PGRMC1: variants seen among roughly 807,000 people sequenced by gnomAD.
The protein encoded by PGRMC1 is membrane-associated progesterone receptor component 1.
For missense variants in PGRMC1, 145 were observed against 169.0 expected (o/e 0.86, Z 0.79); for synonymous variants, 73 against 77.3 (o/e 0.94, Z 0.29).
chrX:119,243,301 T>G lies in PGRMC1; in HGVS notation c.*47T>G, dbSNP rs767946495. On this transcript the variant is annotated 3_prime_UTR_variant, in exon 3 of 3. Coordinates refer to ENST00000217971, the MANE Select transcript of PGRMC1 (RefSeq NM_006667.5). ...TATTTTTGTATTTTGCAAAATCATTTGTAACAGTCCACTCTGTCTTTAAAA... is the reference window on the plus strand; with the variant it reads ...TATTTTTGTATTTTGCAAAATCATTGGTAACAGTCCACTCTGTCTTTAAAA... 1.3e-6 allele frequency: 1 copy of G among 746,438 alleles called. No individual in the cohort carries two copies. The highest frequency in any genetic ancestry group is 2.1e-6 in the Non-Finnish European group (1 of 473,341). 61.5% of individuals were successfully genotyped at this position (746,438 alleles called of 1,213,427 possible).
intron 1 of PGRMC1, 107 bp from the exon 2 acceptor site, chrX:119,240,202 T>C: frequency 4.1e-6 from 3 of 729,285 alleles, no homozygotes; most frequent in Non-Finnish European, 6.5e-6. Flanking sequence ...GAATTTGATA[T>C]TCAAAAATGG....
chrX:119,239,217 C>A (rs1461310351), intron 1 of PGRMC1, among the ~76,000 whole-genome samples: 1 of 111,185 alleles, frequency 9.0e-6, no homozygotes, highest in African/African-American at 3.3e-5. Flanking sequence ...TTTTTTTTAC[C>A]TTCTTTAGTG....
intron 2 of PGRMC1, among the ~76,000 whole-genome samples, chrX:119,242,184 C>G (rs994037169): frequency 1.8e-5 from 2 of 110,601 alleles, no homozygotes; most frequent in Non-Finnish European, 3.8e-5. Flanking sequence ...GGATTGAACT[C>G]TCTTTCTGAA....
intron 1 of PGRMC1, among the ~76,000 whole-genome samples, chrX:119,240,057 G>C (rs1930784132): frequency 9.0e-6 from 1 of 111,587 alleles, no homozygotes; most frequent in Admixed American, 9.5e-5. Flanking sequence ...CTAGCTATTT[G>C]GAAACCACAG....
At chrX:119,240,215 C>G (rs769360108) in intron 1 of PGRMC1, 94 bp from the exon 2 acceptor site, 3 of 806,962 alleles carry the variant, frequency 3.7e-6, no homozygotes, top group South Asian at 2.1e-5. Context: ...AAAAATGGGG[C>G]TATGTTGATG....
In PGRMC1 at chrX:119,240,434, A is replaced by T; in HGVS notation, c.454A>T (p.Thr152Ser). 8.3e-7 allele frequency: 1 copy of T among 1,206,696 alleles called. No individual in the cohort carries two copies. Among genetic ancestry groups the T allele is most frequent in the South Asian group, 1.8e-5 (1 of 56,810 alleles). The change falls in exon 2 of 3, where the codon ACT becomes TCT. Residue 152 changes from threonine to serine, a missense_variant. Physicochemically the swap from Thr to Ser is moderately conservative, Grantham distance 58. Transcript: ENST00000217971. ...TGACCTCACTGCTGCCCAGCAGGAG[A>T]CTCTGAGTGACTGGGAGTCTCAGTT... ...LSDLTAAQQE[T>S]LSDWESQFTF...
intron 2 of PGRMC1, 39 bp downstream of exon 2, chrX:119,240,503 C>T: frequency 9.1e-7 from 1 of 1,101,306 alleles, no homozygotes; most frequent in Non-Finnish European, 1.3e-6. Flanking sequence ...CAAATTTCTA[C>T]CAGTAATGGG....
At chrX:119,240,653 C>T (rs767690553) in intron 2 of PGRMC1, among the ~76,000 whole-genome samples, 189 bp downstream of exon 2, 1 of 111,741 alleles carries the variant, frequency 8.9e-6, no homozygotes, top group South Asian at 3.8e-4. Context: ...GATTGCATAC[C>T]AATTTTTAGC....
In PGRMC1 at chrX:119,243,315, C is replaced by A; in HGVS notation, c.*61C>A. The A allele has an allele frequency of 1.5e-6, 1 of 685,612 alleles. No homozygotes were observed. The highest frequency in any genetic ancestry group is 2.2e-5 in the South Asian group (1 of 44,695). The allele number at this position is 685,612 out of a possible 1,213,427, so 56.5% of individuals were successfully genotyped here. On this transcript the variant is annotated 3_prime_UTR_variant, in exon 3 of 3. Coordinates refer to ENST00000217971, the MANE Select transcript of PGRMC1 (RefSeq NM_006667.5). Reference sequence around the variant, plus strand: ...GCAAAATCATTTGTAACAGTCCACTCTGTCTTTAAAACATAGTGATTACAA... The same window carrying A: ...GCAAAATCATTTGTAACAGTCCACTATGTCTTTAAAACATAGTGATTACAA...
intron 1 of PGRMC1, 79 bp downstream of exon 1, chrX:119,236,770 G>A: frequency 3.6e-6 from 3 of 842,554 alleles, no homozygotes; most frequent in Non-Finnish European, 4.9e-6. Flanking sequence ...AGGCGAGGCG[G>A]GAGCGGGGCG....
In PGRMC1 at chrX:119,243,187, G is replaced by A. The variant is rs756335701; in HGVS notation, c.521G>A (p.Gly174Glu). The A allele has an allele frequency of 3.3e-6, 4 of 1,205,026 alleles. No homozygotes were observed. In the African/African-American group the frequency reaches 7.0e-5, roughly 21 times the overall value. The change falls in exon 3 of 3, where the codon GGG becomes GAG. Residue 174 changes from glycine (G) to glutamate (E), a missense_variant. Coordinates refer to ENST00000217971, the MANE Select transcript of PGRMC1 (RefSeq NM_006667.5). ...CACGTGGGCAAACTGCTGAAGGAGG[G>A]GGAGGAGCCCACTGTGTACTCAGAT... ...YHHVGKLLKE[G>E]EEPTVYSDEE... is the part of the protein sequence containing the mutation.
chrX:119,238,410 G>C (rs755803865), intron 1 of PGRMC1, among the ~76,000 whole-genome samples: 5 of 111,717 alleles, frequency 4.5e-5, no homozygotes, highest in Non-Finnish European at 9.4e-5. Flanking sequence ...AAAATCATTT[G>C]AAAACCACAT....
Position 119,236,595 on chromosome X carries a change from C to T in PGRMC1, c.232C>T (p.Leu78=). The T allele has an allele frequency of 8.3e-7, 1 of 1,207,294 alleles. No individual in the cohort carries two copies. Among genetic ancestry groups the T allele is most frequent in the Admixed American group, 2.2e-5 (1 of 45,858 alleles). ...LKRRDFTPAE[L]RRFDGVQDPR... ...GCGGCGCGACTTCACCCCCGCCGAG[C>T]TGCGGCGCTTCGACGGCGTCCAGGA... is the stretch of plus-strand genomic sequence containing the variant. Residue 78 remains leucine (L), a synonymous_variant, in exon 1 of 3, where the codon CTG becomes TTG. Transcript: ENST00000217971.
chrX:119,236,547 C>T lies in PGRMC1; in HGVS notation c.184C>T (p.Pro62Ser), dbSNP rs1430728018. Reference sequence around the variant, plus strand: ...CAGCGGCGACAGCGACGACGACGAGCCGCCCCCTCTGCCCCGCCTCAAGCG... The same window carrying T: ...CAGCGGCGACAGCGACGACGACGAGTCGCCCCCTCTGCCCCGCCTCAAGCG... ...AASGDSDDDE[P>S]PPLPRLKRRD... The change falls in exon 1 of 3, where the codon CCG becomes TCG. Residue 62 changes from proline (P) to serine (S), a missense_variant. Coordinates refer to ENST00000217971, the MANE Select transcript of PGRMC1 (RefSeq NM_006667.5). The T allele has an allele frequency of 1.3e-5, 16 of 1,207,070 alleles. No homozygotes were observed. Among genetic ancestry groups the T allele is most frequent in the Admixed American group, 2.2e-5 (1 of 45,782 alleles).
chrX:119,241,222 A>G (rs1487975950), intron 2 of PGRMC1, among the ~76,000 whole-genome samples: 1 of 112,635 alleles, frequency 8.9e-6, no homozygotes, highest in African/African-American at 3.2e-5. Flanking sequence ...TTCATTTAAA[A>G]TGTAGTTTTC....
intron 1 of PGRMC1, among the ~76,000 whole-genome samples, chrX:119,238,239 A>G (rs1439719282): frequency 9.0e-6 from 1 of 111,502 alleles, no homozygotes; most frequent in Non-Finnish European, 1.9e-5. Flanking sequence ...TTTTTTAGAG[A>G]CAGGGTCTCC....
intron 2 of PGRMC1, 129 bp downstream of exon 2, chrX:119,240,593 A>G (rs1212450986): frequency 3.1e-5 from 16 of 518,423 alleles, no homozygotes; most frequent in Middle Eastern, 5.3e-4. Flanking sequence ...TCTTGGACGC[A>G]TCAAGTTCAT....
intron 1 of PGRMC1, among the ~76,000 whole-genome samples, chrX:119,237,570 T>C: frequency 9.0e-6 from 1 of 110,650 alleles, no homozygotes; most frequent in South Asian, 3.9e-4. Context: ...GGTAATATGG[T>C]ATTTAGTCTA....
At chrX:119,240,885 C>T (rs1208780224) in intron 2 of PGRMC1, among the ~76,000 whole-genome samples, 1 of 112,018 alleles carries the variant, frequency 8.9e-6, no homozygotes, top group Non-Finnish European at 1.9e-5. Flanking sequence ...TGTGAAACAG[C>T]TTCTCTTTGA....
Sources: gnomAD v4.1 joint callset for allele counts (sites outside exome capture counted in the v4.1 genomes callset) on GRCh38, gnomAD v4.1.1 for gene constraint, MANE v1.5 for transcripts, NCBI Gene and HGNC (gene_info 2026-07-23, HGNC 2026-07-21) for gene names.